Variants in L3MBTL2 observed in about 807,000 individuals in gnomAD.
The protein encoded by L3MBTL2 is lethal(3)malignant brain tumor-like protein 2.
A neutral mutation model predicts 86.4 loss-of-function variants in L3MBTL2; 49 were observed. The ratio of observed to expected loss-of-function variants is 0.57; its 90% CI spans 0.45 to 0.72. The LOEUF (loss-of-function observed/expected upper bound fraction) is 0.72. Ranked by LOEUF, L3MBTL2 falls within the 30% of genes least tolerant of loss-of-function variation. The probability of loss-of-function intolerance (pLI) is 0.00; values close to 1 mark genes in which losing one functional copy is unlikely to be tolerated. For missense variants in L3MBTL2, 755 were observed against 923.7 expected (o/e 0.82, Z 2.37); for synonymous variants, 336 against 350.6 (o/e 0.96, Z 0.47).
chr22:41,212,020 T>C (rs1213310062), intron 2 of L3MBTL2, among the ~76,000 whole-genome samples: 4 of 149,000 alleles, frequency 2.7e-5, no homozygotes, highest in Non-Finnish European at 6.0e-5. Flanking sequence ...CCCTCCGCCA[T>C]GCCCGGCTAA....
intron 3 of L3MBTL2, 96 bp from the exon 4 acceptor site, chr22:41,216,043 T>C: frequency 7.3e-7 from 1 of 1,370,296 alleles, no homozygotes; most frequent in South Asian, 1.4e-5. Context: ...AGAGGTTAAG[T>C]CACTGGCCCA....
intron 16 of L3MBTL2, 89 bp downstream of exon 16, chr22:41,229,745 G>A: frequency 6.2e-7 from 1 of 1,605,514 alleles, no homozygotes; most frequent in Non-Finnish European, 8.5e-7. Flanking sequence ...GCACAGAAGA[G>A]TAGAGTCAGG....
At chr22:41,218,504 C>G (rs2145590864) in intron 5 of L3MBTL2, 1 of 152,194 alleles carries the variant, frequency 6.6e-6, no homozygotes, top group East Asian at 1.9e-4. Flanking sequence ...CGGAGCAAGA[C>G]TCTAAAAAAA....
At chr22:41,229,792 AC>A in intron 16 of L3MBTL2, 136 bp downstream of exon 16, 5 of 1,410,644 alleles carry the variant, frequency 3.5e-6, no homozygotes, top group South Asian at 1.2e-5. Context: ...GCAGTCCTGT[AC>A]CACTGGACCC....
chr22:41,219,487 T>C lies in L3MBTL2; in HGVS notation c.669T>C (p.Ala223=). 1.2e-6 allele frequency: 2 copies of C among 1,614,002 alleles called. No homozygotes were observed. Among genetic ancestry groups the C allele is most frequent in the Non-Finnish European group, 1.7e-6 (2 of 1,179,906 alleles). ...AGGTGGAGGTGCTCAACAGTGATGC[T>C]GTGCTCCCCAGCCGGGTGTACTGGA... is the stretch of plus-strand genomic sequence containing the variant. ...GMKVEVLNSD[A]VLPSRVYWIA... Residue 223 remains alanine (A), a synonymous_variant, in exon 6 of 17, where the codon GCT becomes GCC. Transcript: ENST00000216237.
intron 15 of L3MBTL2, chr22:41,228,576 C>T (rs1171844964): frequency 2.6e-5 from 25 of 949,476 alleles, no homozygotes; most frequent in African/African-American, 3.5e-5. Flanking sequence ...GGCGGCCAGG[C>T]GCGGTGGCTC....
At position 41,225,654 on chromosome 22, in the gene L3MBTL2, G is replaced by C. The variant is rs1037756050; in HGVS notation, c.1357-140G>C. 14 of 786,888 alleles carry C rather than the reference G, an allele frequency of 1.8e-5. No homozygotes were observed. In the African/African-American group the frequency reaches 2.3e-4, roughly 13 times the overall value. The allele number at this position is 786,888 out of a possible 1,614,324, so 48.7% of individuals were successfully genotyped here. On this transcript the variant is annotated intron_variant, in intron 11 of 16. Coordinates refer to ENST00000216237, the MANE Select transcript of L3MBTL2 (RefSeq NM_031488.5). The surrounding 1 kb of genome is among the most constrained non-coding windows in gnomAD (Gnocchi z 4.1). The stretch of plus-strand genomic sequence containing the variant: ...CAGAAGTACTGTGTGCCCCAGAGAG[G>C]CTCAGGTGTCCTCCAGGAGGGCCAT...
intron 4 of L3MBTL2, 104 bp from the exon 5 acceptor site, chr22:41,217,019 G>A (rs1299939736): frequency 1.2e-6 from 1 of 811,500 alleles, no homozygotes; most frequent in Non-Finnish European, 2.1e-6. Context: ...GCTGCTGGGG[G>A]TGGGGGACCT....
intron 3 of L3MBTL2, 158 bp downstream of exon 3, chr22:41,214,184 A>G: frequency 3.0e-6 from 2 of 675,822 alleles, no homozygotes; most frequent in Non-Finnish European, 5.0e-6. Flanking sequence ...AGTAGAATCC[A>G]TTTGTGGAGC....
At position 41,227,925 on chromosome 22, in the gene L3MBTL2, C is replaced by T. The variant is rs373939677; in HGVS notation, c.1888+56C>T. ...TGTGGGCCTGGGAGCAGTGGGCCTG[C>T]GTCCCTGGGAGCAGGCGGGGGTCAG... On this transcript the variant is annotated intron_variant, in intron 15 of 16. Coordinates refer to ENST00000216237, the MANE Select transcript of L3MBTL2 (RefSeq NM_031488.5). This position sits in a 1 kb window ranked among gnomAD's most constrained non-coding sequence, Gnocchi z 6.0. The T allele has an allele frequency of 2.2e-5, 35 of 1,593,760 alleles. No homozygotes were observed. In the South Asian group the frequency reaches 2.6e-4, roughly 12 times the overall value.
In L3MBTL2 at chr22:41,219,545, T is replaced by C; in HGVS notation, c.718+9T>C. 1 of 1,584,832 alleles carries C rather than the reference T, an allele frequency of 6.3e-7. No individual in the cohort carries two copies. Among genetic ancestry groups the C allele is most frequent in the South Asian group, 1.1e-5 (1 of 90,426 alleles). ...TGTCATCCAGACAGCAGGTGAGTGT[T>C]TGGCCAGGGCAGGGCCAGGGATGTG... On this transcript the variant is annotated intron_variant, in intron 6 of 16. Coordinates refer to ENST00000216237, the MANE Select transcript of L3MBTL2 (RefSeq NM_031488.5).
rs1845373180 is a variant in L3MBTL2 at position 41,227,685 on chromosome 22, G to T, written c.1823-119G>T. The T allele has an allele frequency of 6.3e-7, 1 of 1,586,586 alleles. No individual in the cohort carries two copies. Among genetic ancestry groups the T allele is most frequent in the Admixed American group, 1.8e-5 (1 of 55,266 alleles). ...GCCCTCTCCTCATTGCCCAGGTTTG[G>T]CTTCCTGTCTTGGGGTGTCTCGTGT... is the stretch of plus-strand genomic sequence containing the variant. On this transcript the variant is annotated intron_variant, in intron 14 of 16. Transcript: ENST00000216237. The surrounding 1 kb of genome is among the most constrained non-coding windows in gnomAD (Gnocchi z 6.0).
rs905291838 is a variant in L3MBTL2 at position 41,225,502 on chromosome 22, C to T, written c.1357-292C>T. ...GGAGGCTGCTGACTCGTCCTCGCCGCGGATCCGCTCCATGCCGGGCGCGTG... is the reference window on the plus strand; with the variant it reads ...GGAGGCTGCTGACTCGTCCTCGCCGTGGATCCGCTCCATGCCGGGCGCGTG... On this transcript the variant is annotated intron_variant, in intron 11 of 16. Coordinates refer to ENST00000216237, the MANE Select transcript of L3MBTL2 (RefSeq NM_031488.5). This position sits in a 1 kb window ranked among gnomAD's most constrained non-coding sequence, Gnocchi z 4.1. Among the ~76,000 whole-genome samples, 2 of 152,188 alleles carry T rather than the reference C, an allele frequency of 1.3e-5. No individual in the cohort carries two copies. The highest frequency in any genetic ancestry group is 2.9e-5 in the Non-Finnish European group (2 of 68,024).
In L3MBTL2 at chr22:41,224,920, T is replaced by A; in HGVS notation, c.1252-47T>A. ...TCCTGAGGCCTGCTTCCCTCACCCT[T>A]CCTCCTGGCCTGCCCAGGGAGTCCC... On this transcript the variant is annotated intron_variant, in intron 10 of 16. Coordinates refer to ENST00000216237, the MANE Select transcript of L3MBTL2 (RefSeq NM_031488.5). This position sits in a 1 kb window ranked among gnomAD's most constrained non-coding sequence, Gnocchi z 4.9. 6.3e-7 allele frequency: 1 copy of A among 1,583,490 alleles called. No homozygotes were observed. Among genetic ancestry groups the A allele is most frequent in the Non-Finnish European group, 8.7e-7 (1 of 1,153,746 alleles).
At chr22:41,216,086 A>G (rs2031335539) in intron 3 of L3MBTL2, 53 bp from the exon 4 acceptor site, 1 of 1,557,864 alleles carries the variant, frequency 6.4e-7, no homozygotes, top group Non-Finnish European at 8.7e-7. Context: ...GCCCAAATCC[A>G]GACTCATGAT....
intron 8 of L3MBTL2, among the ~76,000 whole-genome samples, chr22:41,221,933 C>G (rs919012349): frequency 8.0e-5 from 12 of 149,544 alleles, no homozygotes; most frequent in African/African-American, 3.0e-4. Context: ...GAGTCTCGCT[C>G]TGTTGCCCAG....
chr22:41,213,402 T>G (rs1372387355), intron 2 of L3MBTL2, among the ~76,000 whole-genome samples: 1 of 151,602 alleles, frequency 6.6e-6, no homozygotes, highest in Non-Finnish European at 1.5e-5. Flanking sequence ...CATGGCTCAC[T>G]GCAGCCTCAG....
chr22:41,229,799 G>T, intron 16 of L3MBTL2, 143 bp downstream of exon 16: 1 of 1,396,570 alleles, frequency 7.2e-7, no homozygotes, highest in Non-Finnish European at 1.0e-6. Flanking sequence ...TGTACCACTG[G>T]ACCCAGGGTG....
intron 15 of L3MBTL2, chr22:41,228,447 C>T: frequency 1.0e-6 from 1 of 985,458 alleles, no homozygotes; most frequent in Non-Finnish European, 1.2e-6. Flanking sequence ...CGGGCAAAGC[C>T]ATCCTTCAGA....
Sources: gnomAD v4.1 joint callset for allele counts (sites outside exome capture counted in the v4.1 genomes callset) on GRCh38, gnomAD v4.1.1 for gene constraint, Gnocchi (gnomAD v3.1) non-coding constraint, MANE v1.5 for transcripts, NCBI Gene and HGNC (gene_info 2026-07-23, HGNC 2026-07-21) for gene names.